BRAP: variants seen among roughly 807,000 people sequenced by gnomAD.
The protein encoded by BRAP is BRCA1 associated protein, also known as BRCA1-associated protein.
A neutral mutation model predicts 73.4 loss-of-function variants in BRAP; 42 were observed. The ratio of observed to expected loss-of-function variants is 0.57; its 90% CI spans 0.45 to 0.74. BRAP has a LOEUF of 0.74. BRAP is among the 30% of genes least tolerant of loss of function. The pLI is 0.00. For synonymous variants in BRAP, 255 were observed against 267.4 expected (o/e 0.95, Z 0.45); for missense variants, 593 against 751.4 (o/e 0.79, Z 2.46).
At chr12:111,652,224 T>C (rs114572437) in intron 10 of BRAP, among the ~76,000 whole-genome samples, 1 of 151,824 alleles carries the variant, frequency 6.6e-6, no homozygotes, top group African/African-American at 2.4e-5. Flanking sequence ...CCTACAAAGG[T>C]TGGTTGGTTT....
At chr12:111,671,583 C>T (rs1232560958) in intron 5 of BRAP, among the ~76,000 whole-genome samples, 4 of 151,694 alleles carry the variant, frequency 2.6e-5, no homozygotes, top group Non-Finnish European at 5.9e-5. Flanking sequence ...AGAGGCCAGG[C>T]ACAGTCGCTC....
Position 111,644,235 on chromosome 12 carries a change from C to T in BRAP, c.1743G>A (p.Leu581=). The T allele has an allele frequency of 6.2e-7, 1 of 1,613,324 alleles. No individual in the cohort carries two copies. Among genetic ancestry groups the T allele is most frequent in the Non-Finnish European group, 8.5e-7 (1 of 1,179,940 alleles). ...SPASSGGSGK[L]PSRKGRSKRG... is the part of the protein sequence containing the mutation. ...TCTTGCTGCGGCCCTTCCTGGAGGG[C>T]AACTTCCCACTGCCCCCCGAAGAGG... is the stretch of plus-strand genomic sequence containing the variant. Residue 581 remains leucine, a synonymous_variant, in exon 12 of 12, where the codon TTG becomes TTA. Coordinates refer to ENST00000419234, the MANE Select transcript of BRAP (RefSeq NM_006768.5).
chr12:111,669,943 G>T, intron 5 of BRAP: 1 of 622,960 alleles, frequency 1.6e-6, no homozygotes, highest in Non-Finnish European at 3.0e-6. Context: ...TTCTTTTATT[G>T]AAGGAGTTTG....
intron 1 of BRAP, among the ~76,000 whole-genome samples, chr12:111,684,600 C>T (rs1159943679): frequency 6.6e-6 from 1 of 152,106 alleles, no homozygotes; most frequent in African/African-American, 2.4e-5. Context: ...CTGCTGGTGC[C>T]ATTAAAACAG....
Position 111,659,062 on chromosome 12 carries a change from A to G in BRAP, c.1111+145T>C, listed in dbSNP as rs572892445. Reference sequence around the variant, plus strand: ...TGTGATTCAAGACATTCCTAGAAAAATAGTGCCCTCAGGGAAACTGAGAAT... The same window carrying G: ...TGTGATTCAAGACATTCCTAGAAAAGTAGTGCCCTCAGGGAAACTGAGAAT... On this transcript the variant is annotated intron_variant, in intron 8 of 11. Transcript: ENST00000419234. 2.5e-4 allele frequency: 248 copies of G among 999,232 alleles called. 1 individual carries two copies. Among genetic ancestry groups the G allele is most frequent in the Non-Finnish European group, 3.4e-4 (233 of 692,620 alleles). 61.9% of individuals were successfully genotyped at this position (999,232 alleles called of 1,614,324 possible).
intron 3 of BRAP, among the ~76,000 whole-genome samples, chr12:111,679,874 C>G (rs1268413500): frequency 3.6e-5 from 1 of 28,052 alleles, no homozygotes; most frequent in East Asian, 1.7e-3. Flanking sequence ...AAGACTCCAT[C>G]TCAAAAAAAA....
At chr12:111,648,288 T>G (rs950354010) in intron 11 of BRAP, among the ~76,000 whole-genome samples, 1 of 144,360 alleles carries the variant, frequency 6.9e-6, no homozygotes, top group Non-Finnish European at 1.5e-5. Flanking sequence ...GCCACTGCAC[T>G]CCAGCCTGGC....
intron 5 of BRAP, among the ~76,000 whole-genome samples, chr12:111,670,673 T>C (rs564983438): frequency 1.5e-4 from 23 of 152,276 alleles, no homozygotes; most frequent in African/African-American, 5.5e-4. Context: ...GTATATTTAG[T>C]AGAGATGAGT....
At chr12:111,680,145 T>C (rs1017166179) in intron 3 of BRAP, among the ~76,000 whole-genome samples, 2 of 151,382 alleles carry the variant, frequency 1.3e-5, no homozygotes, top group Admixed American at 1.3e-4. Context: ...TTAGTAGAGA[T>C]GGGGTTTCAC....
rs1263220488 is a variant in BRAP at position 111,683,227 on chromosome 12, C to T, written c.163G>A (p.Glu55Lys). The change falls in exon 2 of 12, where the codon GAG (glutamate) becomes AAG (lysine). Residue 55 changes from glutamate to lysine, a missense_variant. Coordinates refer to ENST00000419234, the MANE Select transcript of BRAP (RefSeq NM_006768.5). ...TGCTGATGGATAATCGCTACTTTCTCTCCTGGTGACTTGCCTTCTAAACAG... is the reference window on the plus strand; with the variant it reads ...TGCTGATGGATAATCGCTACTTTCTTTCCTGGTGACTTGCCTTCTAAACAG... Reference protein sequence around the residue: ...VACLEGKSPGEKVAIIHQHLG... With the variant: ...VACLEGKSPGKKVAIIHQHLG... The T allele has an allele frequency of 1.2e-6, 2 of 1,614,036 alleles. No individual in the cohort carries two copies. The highest frequency in any genetic ancestry group is 1.7e-6 in the Non-Finnish European group (2 of 1,180,036).
In BRAP at chr12:111,685,854, G is replaced by A. The variant is rs913728513; in HGVS notation, c.-62C>T. ...CAGGCGAGGCTGGAAGGCGAGCCGAGAGGCCGAGCGGCCCGGGGCCGGCAG... is the reference window on the plus strand; with the variant it reads ...CAGGCGAGGCTGGAAGGCGAGCCGAAAGGCCGAGCGGCCCGGGGCCGGCAG... On this transcript the variant is annotated 5_prime_UTR_variant, in exon 1 of 12. Transcript: ENST00000419234. The A allele has an allele frequency of 6.5e-5, 84 of 1,299,696 alleles. No individual in the cohort carries two copies. The highest frequency in any genetic ancestry group is 7.8e-5 in the Non-Finnish European group (78 of 998,316). 80.5% of individuals were successfully genotyped at this position (1,299,696 alleles called of 1,614,324 possible).
chr12:111,677,409 C>A (rs1443902624), intron 4 of BRAP, among the ~76,000 whole-genome samples: 1 of 152,148 alleles, frequency 6.6e-6, no homozygotes, highest in Non-Finnish European at 1.5e-5. Context: ...AGGAACGCGT[C>A]CCTGGAATTA....
At chr12:111,655,731 A>G in intron 9 of BRAP, 76 bp from the exon 10 acceptor site, 1 of 1,220,446 alleles carries the variant, frequency 8.2e-7, no homozygotes, top group Non-Finnish European at 1.2e-6. Flanking sequence ...AAAATCTGAT[A>G]TTTAATGATC....
chr12:111,652,337 C>T (rs1425814240), intron 10 of BRAP, among the ~76,000 whole-genome samples: 1 of 152,090 alleles, frequency 6.6e-6, no homozygotes, highest in African/African-American at 2.4e-5. Context: ...CATTCTCCTG[C>T]CTCAGCCACC....
Position 111,644,539 on chromosome 12 carries a change from A to G in BRAP, c.1439T>C (p.Val480Ala), listed in dbSNP as rs747205542. The G allele has an allele frequency of 1.2e-6, 2 of 1,613,704 alleles. No homozygotes were observed. The highest frequency in any genetic ancestry group is 2.2e-5 in the South Asian group (2 of 91,062). The change falls in exon 12 of 12, where the codon GTG becomes GCG. Residue 480 changes from valine to alanine, a missense_variant. By Grantham distance (64) the Val-to-Ala change is moderately conservative. Around this residue, in one of 4 missense-constraint regions of BRAP, gnomAD observed 143 missense variants for 190.4 expected, o/e 0.75. Transcript: ENST00000419234. Reference sequence around the variant, plus strand: ...TTTGAGCTCGTTGGTGAGTTTGGCCACTTTTGTGTTTAGCTGAGTGCACCT... The same window carrying G: ...TTTGAGCTCGTTGGTGAGTTTGGCCGCTTTTGTGTTTAGCTGAGTGCACCT... ...ERKCTQLNTK[V>A]AKLTNELKEE...
At chr12:111,653,597 A>G (rs534456305) in intron 10 of BRAP, among the ~76,000 whole-genome samples, 17 of 152,286 alleles carry the variant, frequency 1.1e-4, no homozygotes, top group South Asian at 8.3e-4. Flanking sequence ...GGAAAGAAAC[A>G]GTGTTTATAA....
intron 3 of BRAP, among the ~76,000 whole-genome samples, chr12:111,681,157 G>T (rs1225890152): frequency 1.3e-5 from 2 of 151,924 alleles, no homozygotes; most frequent in African/African-American, 4.8e-5. Context: ...ATAACCTGAG[G>T]TCGGAGTTCA....
intron 5 of BRAP, chr12:111,670,071 C>A: frequency 1.6e-6 from 1 of 626,442 alleles, no homozygotes; most frequent in Non-Finnish European, 3.1e-6. Flanking sequence ...TGAAAAAGTG[C>A]TTGGAGCAAG....
At chr12:111,679,590 T>C (rs111770608) in intron 3 of BRAP, among the ~76,000 whole-genome samples, 17 of 152,250 alleles carry the variant, frequency 1.1e-4, no homozygotes, top group African/African-American at 2.6e-4. Flanking sequence ...AATCTGTCAC[T>C]GGTGGCCAGG....
Sources: allele counts gnomAD v4.1 joint callset (sites outside exome capture counted in the v4.1 genomes callset), GRCh38; gene constraint gnomAD v4.1.1; regional missense constraint gnomAD v4.1.1; transcripts MANE v1.5; gene names NCBI Gene and HGNC (gene_info 2026-07-23, HGNC 2026-07-21).